The following ADGRB3 variants were observed in gnomAD, a reference collection of about 807,000 sequenced individuals.
ADGRB3 encodes brain-specific angiogenesis inhibitor 3.
Under a neutral mutation model 193.4 loss-of-function variants are expected in ADGRB3, and 37 were observed. The observed-to-expected ratio is 0.19, with a 90% CI of 0.15 to 0.25. The LOEUF is 0.25. ADGRB3 is among the 10% of genes least tolerant of loss of function. The probability of loss-of-function intolerance (pLI) is 1.00; values close to 1 mark genes in which losing one functional copy is unlikely to be tolerated. For synonymous variants in ADGRB3, 690 were observed against 644.2 expected, an observed-to-expected ratio of 1.07 and a Z score of -1.08; for missense variants, 1,637 against 1,852.9, an observed-to-expected ratio of 0.88 and a Z score of 2.14.
rs545715550 is a variant in ADGRB3, at chr6:68,911,420, A to T, written c.758-19139A>T. Among the ~76,000 whole-genome samples, 385 of 61,108 alleles carry T rather than the reference A, an allele frequency of 6.3e-3. 1 individual carries two copies. Among genetic ancestry groups the T allele is most frequent in the African/African-American group, 0.033 (339 of 10,204 alleles). 40.1% of individuals were successfully genotyped at this position (61,108 alleles called of 152,430 possible). ...TACCCTAAAGCTTAAAGTATAATTT[A>T]AAAAAAAAAGGAAATTTTGAGGGTA... On this transcript the variant is annotated intron_variant, in intron 3 of 31. Transcript: ENST00000370598.
At chr6:68,897,293 A>C (rs943467394) in intron 3 of ADGRB3, among the ~76,000 whole-genome samples, 1 of 151,494 alleles carries the variant, frequency 6.6e-6, no homozygotes, top group South Asian at 2.1e-4. Context: ...CCAGGAATTC[A>C]AGGCTGCAGT....
At chr6:68,989,506 G>A (rs1582375423) in intron 10 of ADGRB3, among the ~76,000 whole-genome samples, 2 of 152,100 alleles carry the variant, frequency 1.3e-5, no homozygotes, top group African/African-American at 4.8e-5. Context: ...TATATAGCTA[G>A]CATTTCGAGA....
At chr6:68,790,989 G>T (rs1297997057) in intron 3 of ADGRB3, among the ~76,000 whole-genome samples, 1 of 151,470 alleles carries the variant, frequency 6.6e-6, no homozygotes, top group Admixed American at 6.6e-5. Flanking sequence ...ACTGAGGAGA[G>T]GATCGCTTGA....
intron 3 of ADGRB3, among the ~76,000 whole-genome samples, chr6:68,904,037 G>A (rs1766471012): frequency 9.5e-6 from 1 of 105,152 alleles, no homozygotes; most frequent in South Asian, 4.1e-4. Context: ...AAACAAGGAA[G>A]GGAGGGAAGG....
At chr6:69,111,783 A>G (rs1773373349) in intron 17 of ADGRB3, among the ~76,000 whole-genome samples, 1 of 152,266 alleles carries the variant, frequency 6.6e-6, no homozygotes, top group Non-Finnish European at 1.5e-5. Context: ...GAAATGCAGA[A>G]CAAATAAAAC....
At chr6:68,749,819 A>G (rs1766161105) in intron 3 of ADGRB3, among the ~76,000 whole-genome samples, 2 of 152,204 alleles carry the variant, frequency 1.3e-5, no homozygotes, top group South Asian at 4.1e-4. Flanking sequence ...CAGAATTCTT[A>G]TACGTCAATA....
chr6:68,818,925 A>T (rs1767689054), intron 3 of ADGRB3, among the ~76,000 whole-genome samples: 1 of 116,282 alleles, frequency 8.6e-6, no homozygotes, highest in Non-Finnish European at 1.7e-5. Context: ...TGAAAGATTG[A>T]TAAGTACATG....
chr6:68,915,775 A>T (rs975690417), intron 3 of ADGRB3, among the ~76,000 whole-genome samples: 4 of 152,038 alleles, frequency 2.6e-5, no homozygotes, highest in Admixed American at 2.6e-4. Context: ...GGGGAAAAAA[A>T]AAACTACCCA....
chr6:68,936,004 A>G (rs1582328559), intron 4 of ADGRB3, among the ~76,000 whole-genome samples: 3 of 152,192 alleles, frequency 2.0e-5, no homozygotes, highest in East Asian at 1.9e-4. Context: ...GTAATAAACT[A>G]TAAATATCAG....
At chr6:68,951,771 C>T (rs1767927254) in intron 6 of ADGRB3, among the ~76,000 whole-genome samples, 1 of 151,962 alleles carries the variant, frequency 6.6e-6, no homozygotes, top group Non-Finnish European at 1.5e-5. Context: ...CTGAGAGGTC[C>T]CTCTTACAAA....
chr6:69,029,574 A>G (rs1237435623), intron 13 of ADGRB3, among the ~76,000 whole-genome samples: 3 of 152,362 alleles, frequency 2.0e-5, no homozygotes, highest in African/African-American at 4.8e-5. Flanking sequence ...AATGTGGAGC[A>G]GCATTGGGAA....
At chr6:69,132,408 C>A (rs1774035915) in intron 17 of ADGRB3, among the ~76,000 whole-genome samples, 1 of 152,182 alleles carries the variant, frequency 6.6e-6, no homozygotes, top group Non-Finnish European at 1.5e-5. Context: ...TGTTTGTTGG[C>A]CACATAAATG....
intron 17 of ADGRB3, among the ~76,000 whole-genome samples, chr6:69,172,154 C>A (rs1234630880): frequency 6.6e-6 from 1 of 152,108 alleles, no homozygotes; most frequent in African/African-American, 2.4e-5. Flanking sequence ...CACCTATCCC[C>A]CACATTTCTT....
At chr6:68,688,578 A>G (rs1452463349) in intron 3 of ADGRB3, among the ~76,000 whole-genome samples, 2 of 152,162 alleles carry the variant, frequency 1.3e-5, no homozygotes, top group Non-Finnish European at 2.9e-5. Flanking sequence ...AGGAGGGGAG[A>G]ATGTAACAGG....
intron 17 of ADGRB3, among the ~76,000 whole-genome samples, chr6:69,104,008 C>T (rs117950083): frequency 0.025 from 3,802 of 151,986 alleles, 81 homozygotes; most frequent in Middle Eastern, 0.071. Context: ...TTGTTTGTAT[C>T]GTAGATTCCA....
rs149444064 is a variant in ADGRB3, at chr6:69,327,081, G to C, written c.2966-739G>C. 2.6e-5 allele frequency among the ~76,000 whole-genome samples: 4 copies of C among 152,084 alleles called. No individual in the cohort carries two copies. In the East Asian group the frequency reaches 7.7e-4, roughly 29 times the overall value. On this transcript the variant is annotated intron_variant, in intron 21 of 31. Coordinates refer to ENST00000370598, the MANE Select transcript of ADGRB3 (RefSeq NM_001704.3). ...CAGAGGACATACAATAAAATGATTA[G>C]ATGACGGATTTTTCAACCGGAAAAG...
At chr6:68,722,538 G>A (rs1487389940) in intron 3 of ADGRB3, among the ~76,000 whole-genome samples, 2 of 151,122 alleles carry the variant, frequency 1.3e-5, no homozygotes, top group Non-Finnish European at 1.5e-5. Context: ...CTTCACTGAC[G>A]CTTAAAAGAT....
chr6:69,338,282 G>C (rs1314174824), intron 24 of ADGRB3, among the ~76,000 whole-genome samples: 3 of 152,092 alleles, frequency 2.0e-5, no homozygotes. Context: ...TTTTATTAAA[G>C]CAGAAAACTA....
intron 3 of ADGRB3, among the ~76,000 whole-genome samples, chr6:68,761,904 C>T (rs1227800216): frequency 1.3e-5 from 2 of 152,012 alleles, no homozygotes; most frequent in Admixed American, 6.6e-5. Context: ...TTGTATGTGA[C>T]CATTATATTG....
Sources: allele counts gnomAD v4.1 joint callset (sites outside exome capture counted in the v4.1 genomes callset), GRCh38; gene constraint gnomAD v4.1.1; transcripts MANE v1.5; gene names NCBI Gene and HGNC (gene_info 2026-07-23, HGNC 2026-07-21).